Variants in LRRC52 observed in about 807,000 individuals in gnomAD.
LRRC52 encodes leucine rich repeat containing 52.
In LRRC52, 15 loss-of-function variants were observed where a neutral mutation model predicts 14.7. That is an observed-to-expected ratio of 1.02 (90% CI 0.68 to 1.58). The LOEUF (loss-of-function observed/expected upper bound fraction) is 1.58. Ranked by LOEUF, LRRC52 falls within the 40% of genes most tolerant of loss-of-function variation. The pLI is 0.00. For missense variants in LRRC52, 400 were observed against 387.7 expected (o/e 1.03, Z -0.27); for synonymous variants, 180 against 163.9 (o/e 1.10, Z -0.75).
intron 1 of LRRC52, among the ~76,000 whole-genome samples, chr1:165,548,703 A>G (rs1048758538): frequency 6.6e-6 from 1 of 152,230 alleles, no homozygotes; most frequent in African/African-American, 2.4e-5. Context: ...TAATTTCCTC[A>G]TCTTGAATAC....
chr1:165,552,746 C>T (rs285432), intron 1 of LRRC52, among the ~76,000 whole-genome samples: 7,390 of 152,208 alleles, frequency 0.049, 243 homozygotes, highest in Admixed American at 0.076. Flanking sequence ...CCTGATAGAC[C>T]GGAAGCTCTA....
At chr1:165,546,596 T>C (rs535201704) in intron 1 of LRRC52, among the ~76,000 whole-genome samples, 1 of 152,136 alleles carries the variant, frequency 6.6e-6, no homozygotes, top group African/African-American at 2.4e-5. Flanking sequence ...CATCTTCTTT[T>C]GCCCCTCCCC....
chr1:165,551,661 G>A (rs1661135006), intron 1 of LRRC52, among the ~76,000 whole-genome samples: 1 of 152,180 alleles, frequency 6.6e-6, no homozygotes, highest in South Asian at 2.1e-4. Flanking sequence ...GGGTGCTGCA[G>A]AGGCAGTGGA....
Position 165,554,135 on chromosome 1 carries a change from AT to A in LRRC52, c.622+9218del, listed in dbSNP as rs1661187209. On this transcript the variant is annotated intron_variant, in intron 1 of 1. Coordinates refer to ENST00000294818, the MANE Select transcript of LRRC52 (RefSeq NM_001005214.4). ...ATAGTGCCTATTTCCTCAAGTTGTG[AT>A]AATTAAATGAAAAAACCCACATGAA... Among the ~76,000 whole-genome samples the A allele has an allele frequency of 2.6e-5, 4 of 152,316 alleles. No homozygotes were observed. The South Asian group carries it at 6.2e-4, about 24-fold the overall frequency.
Position 165,544,225 on chromosome 1 carries a change from C to CCCCCCCCCCCCCA in LRRC52, c.-71_-70insCCCCCCCCCCCAC. 1 of 1,388,146 alleles carries CCCCCCCCCCCCCA rather than the reference C, an allele frequency of 7.2e-7. No homozygotes were observed. 86.0% of individuals were successfully genotyped at this position (1,388,146 alleles called of 1,614,324 possible). On this transcript the variant is annotated 5_prime_UTR_variant, in exon 1 of 2. Transcript: ENST00000294818. ...AGAGCCCCTCCCCCGCCCCACCCCC[C>CCCCCCCCCCCCCA]CACCGGCAGCCTTCGGATCAGAGGA...
chr1:165,563,464 A>T, intron 1 of LRRC52, 41 bp from the exon 2 acceptor site: 4 of 1,561,864 alleles, frequency 2.6e-6, no homozygotes, highest in Non-Finnish European at 3.5e-6. Flanking sequence ...GCTGGGAGTC[A>T]CGCTGTTTCA....
intron 1 of LRRC52, among the ~76,000 whole-genome samples, chr1:165,562,154 T>A (rs1381641158): frequency 1.3e-5 from 2 of 152,398 alleles, no homozygotes; most frequent in Admixed American, 1.3e-4. Context: ...ATCTAGATTC[T>A]GCAGTTATCT....
At chr1:165,551,995 AG>A (rs201501853) in intron 1 of LRRC52, among the ~76,000 whole-genome samples, 4,788 of 143,400 alleles carry the variant, frequency 0.033, 290 homozygotes, top group African/African-American at 0.12. Flanking sequence ...AAAAAAAAAA[AG>A]GCTGGGCAAC....
In LRRC52 at chr1:165,563,722, G is replaced by A. The variant is rs773324328; in HGVS notation, c.840G>A (p.Ser280=). Reference sequence around the variant, plus strand: ...TCTACCAGAACACCCGCCACAAGTCGAGTGAAGAAGATGAGGACGAGGCCG... The same window carrying A: ...TCTACCAGAACACCCGCCACAAGTCAAGTGAAGAAGATGAGGACGAGGCCG... ...AVLYQNTRHK[S]SEEDEDEAGT... The change falls in exon 2 of 2, where the codon TCG becomes TCA. Residue 280 remains serine (S), a synonymous_variant. Coordinates refer to ENST00000294818, the MANE Select transcript of LRRC52 (RefSeq NM_001005214.4). 86 of 1,614,084 alleles carry A rather than the reference G, an allele frequency of 5.3e-5. No individual in the cohort carries two copies. Among genetic ancestry groups the A allele is most frequent in the Middle Eastern group, 1.6e-4 (1 of 6,084 alleles).
chr1:165,554,895 G>T (rs1661202032), intron 1 of LRRC52, among the ~76,000 whole-genome samples: 2 of 152,244 alleles, frequency 1.3e-5, no homozygotes, highest in Non-Finnish European at 2.9e-5. Context: ...TAACAGCCAA[G>T]ATGCTTTGGT....
Position 165,547,445 on chromosome 1 carries a change from T to C in LRRC52, c.622+2527T>C, listed in dbSNP as rs576553690. On this transcript the variant is annotated intron_variant, in intron 1 of 1. Coordinates refer to ENST00000294818, the MANE Select transcript of LRRC52 (RefSeq NM_001005214.4). Reference sequence around the variant, plus strand: ...ACTAACCGTCATAAATCCATTGATATGCCTGTACTTCCCTTGCAAACCCAG... The same window carrying C: ...ACTAACCGTCATAAATCCATTGATACGCCTGTACTTCCCTTGCAAACCCAG... 3.3e-5 allele frequency among the ~76,000 whole-genome samples: 5 copies of C among 152,314 alleles called. No individual in the cohort carries two copies. The East Asian group carries it at 9.7e-4, about 29-fold the overall frequency.
chr1:165,549,562 A>T (rs1303371880), intron 1 of LRRC52, among the ~76,000 whole-genome samples: 1 of 152,196 alleles, frequency 6.6e-6, no homozygotes, highest in Non-Finnish European at 1.5e-5. Flanking sequence ...TTAAGCCTTT[A>T]TCAGCTCTCA....
At position 165,563,595 on chromosome 1, in the gene LRRC52, C is replaced by A. The variant is rs778341165; in HGVS notation, c.713C>A (p.Thr238Lys). 1 of 1,614,246 alleles carries A rather than the reference C, an allele frequency of 6.2e-7. No individual in the cohort carries two copies. The highest frequency in any genetic ancestry group is 2.2e-5 in the East Asian group (1 of 44,882). ...AACCCACTCCGATACATGTGCATCA[C>A]GCACCTGGACCACAAAGACTACATC... ...VGNPLRYMCI[T>K]HLDHKDYIFL... Residue 238 changes from threonine to lysine, a missense_variant, in exon 2 of 2, where the codon ACG becomes AAG. Thr to Lys is a moderately conservative substitution (Grantham distance 78, BLOSUM62 -1). Coordinates refer to ENST00000294818, the MANE Select transcript of LRRC52 (RefSeq NM_001005214.4).
intron 1 of LRRC52, among the ~76,000 whole-genome samples, chr1:165,558,156 G>A (rs1047978464): frequency 1.3e-5 from 2 of 152,246 alleles, no homozygotes; most frequent in South Asian, 4.1e-4. Flanking sequence ...TTCTGACAAA[G>A]AGGTTTTCTG....
chr1:165,560,771 G>T (rs557948899), intron 1 of LRRC52, among the ~76,000 whole-genome samples: 10 of 152,128 alleles, frequency 6.6e-5, no homozygotes, highest in Non-Finnish European at 1.2e-4. Context: ...GCAAGGGTGA[G>T]GTGTAATCAA....
chr1:165,544,209 C>A lies in LRRC52; in HGVS notation c.-88C>A. On this transcript the variant is annotated 5_prime_UTR_variant, in exon 1 of 2. Coordinates refer to ENST00000294818, the MANE Select transcript of LRRC52 (RefSeq NM_001005214.4). The stretch of plus-strand genomic sequence containing the variant: ...TGTTACAGTTCTTTCCAGAGCCCCT[C>A]CCCCGCCCCACCCCCCCACCGGCAG... 27 of 926,544 alleles carry A rather than the reference C, an allele frequency of 2.9e-5. 3 individuals carry two copies. Among genetic ancestry groups the A allele is most frequent in the Non-Finnish European group, 3.9e-5 (25 of 642,456 alleles). The allele number at this position is 926,544 out of a possible 1,614,324, so 57.4% of individuals were successfully genotyped here. A position where few individuals can be genotyped will look rare whatever the true frequency, so the allele number is the denominator to read the frequency against.
At position 165,544,019 on chromosome 1, in the gene LRRC52, A is replaced by G. The variant is rs1660957803; in HGVS notation, c.-278A>G. 2.2e-6 allele frequency: 1 copy of G among 464,794 alleles called. No individual in the cohort carries two copies. Among genetic ancestry groups the G allele is most frequent in the Non-Finnish European group, 3.9e-6 (1 of 259,448 alleles). 28.8% of individuals were successfully genotyped at this position (464,794 alleles called of 1,614,324 possible). ...CTGGCTCCCCTTCACTTGCAAACGC[A>G]GGGAAAGGGTGAGACCTTTCAAAGC... On this transcript the variant is annotated 5_prime_UTR_variant, in exon 1 of 2. Transcript: ENST00000294818.
intron 1 of LRRC52, 39 bp downstream of exon 1, chr1:165,544,957 G>A (rs1311848612): frequency 1.3e-6 from 2 of 1,598,250 alleles, no homozygotes; most frequent in Non-Finnish European, 8.5e-7. Flanking sequence ...GGATGTGATT[G>A]AAGTGGCTCC....
At chr1:165,551,775 T>C (rs74962653) in intron 1 of LRRC52, among the ~76,000 whole-genome samples, 9,860 of 152,092 alleles carry the variant, frequency 0.065, 326 homozygotes, top group Non-Finnish European at 0.071. Flanking sequence ...CATCTTAGTT[T>C]CATTACGAGG....
Sources: allele counts gnomAD v4.1 joint callset (sites outside exome capture counted in the v4.1 genomes callset), GRCh38; gene constraint gnomAD v4.1.1; transcripts MANE v1.5; gene names NCBI Gene and HGNC (gene_info 2026-07-23, HGNC 2026-07-21).